The following PLD5 variants were observed in gnomAD, a reference collection of about 807,000 sequenced individuals.
The protein encoded by PLD5 is inactive phospholipase D5.
In PLD5, 36 loss-of-function variants were observed where a neutral mutation model predicts 61.1. The ratio of observed to expected loss-of-function variants is 0.59; its 90% CI spans 0.45 to 0.78. PLD5 has a LOEUF of 0.78. PLD5 is among the 30% of genes least tolerant of loss of function. The probability of loss-of-function intolerance (pLI) is 0.00; values close to 1 mark genes in which losing one functional copy is unlikely to be tolerated. For synonymous variants in PLD5, 243 were observed against 242.8 expected (o/e 1.00, Z -0.01); for missense variants, 515 against 644.4 (o/e 0.80, Z 2.17).
At chr1:242,429,417 TA>T (rs1205197318) in intron 1 of PLD5, among the ~76,000 whole-genome samples, 1 of 152,212 alleles carries the variant, frequency 6.6e-6, no homozygotes, top group Non-Finnish European at 1.5e-5. Context: ...TTTTAATTTT[TA>T]ATACTTTTTT....
rs1048278047 is a variant in PLD5 at position 242,445,061 on chromosome 1, C to T, written c.189+79027G>A. ...GCTGTGGTGTGAATATTTGTTTCTCCCACCTCCCAAACTCATTTGTTGAAC... is the reference window on the plus strand; with the variant it reads ...GCTGTGGTGTGAATATTTGTTTCTCTCACCTCCCAAACTCATTTGTTGAAC... On this transcript the variant is annotated intron_variant, in intron 1 of 9. Transcript: ENST00000536534. Among the ~76,000 whole-genome samples the T allele has an allele frequency of 3.6e-4, 54 of 152,072 alleles. 2 individuals are homozygous for T. Among genetic ancestry groups the T allele is most frequent in the Admixed American group, 3.5e-3 (53 of 15,254 alleles).
At chr1:242,341,485 A>G (rs1659828836) in intron 2 of PLD5, among the ~76,000 whole-genome samples, 1 of 150,384 alleles carries the variant, frequency 6.6e-6, no homozygotes, top group Non-Finnish European at 1.5e-5. Flanking sequence ...CAAATAAAGT[A>G]TGTGAAAAAT....
At chr1:242,180,180 G>A (rs1294856716) in intron 5 of PLD5, among the ~76,000 whole-genome samples, 1 of 152,096 alleles carries the variant, frequency 6.6e-6, no homozygotes, top group East Asian at 1.9e-4. Context: ...GGAAACTAGG[G>A]CACTCATTGT....
chr1:242,382,076 T>C (rs1259998907), intron 1 of PLD5, among the ~76,000 whole-genome samples: 5 of 145,060 alleles, frequency 3.4e-5, no homozygotes, highest in African/African-American at 1.3e-4. Context: ...GGAGAAACAG[T>C]GGGTGATTCC....
At chr1:242,389,410 T>C (rs781009120) in intron 1 of PLD5, among the ~76,000 whole-genome samples, 1 of 152,114 alleles carries the variant, frequency 6.6e-6, no homozygotes, top group Non-Finnish European at 1.5e-5. Flanking sequence ...AGTTGGGCCA[T>C]CAATGTAATA....
intron 2 of PLD5, among the ~76,000 whole-genome samples, chr1:242,319,034 G>A (rs1658209696): frequency 6.6e-6 from 1 of 152,056 alleles, no homozygotes; most frequent in African/African-American, 2.4e-5. Flanking sequence ...GAGCAGAATT[G>A]GGGCAGGAGG....
intron 2 of PLD5, among the ~76,000 whole-genome samples, chr1:242,334,785 A>G (rs1354212629): frequency 6.6e-6 from 1 of 152,162 alleles, no homozygotes. Context: ...CCTTTTTCCC[A>G]GGGGACTTTC....
intron 3 of PLD5, among the ~76,000 whole-genome samples, chr1:242,284,326 G>A (rs112705875): frequency 0.057 from 8,700 of 151,366 alleles, 288 homozygotes; most frequent in Middle Eastern, 0.13. Context: ...TAGTACAGAC[G>A]GGGTTTCACC....
intron 1 of PLD5, among the ~76,000 whole-genome samples, chr1:242,361,465 G>C (rs190173239): frequency 0.013 from 1,967 of 152,176 alleles, 25 homozygotes; most frequent in East Asian, 0.027. Flanking sequence ...TATAATTCCA[G>C]AAATCAATTC....
At chr1:242,139,585 C>G (rs1664007733) in intron 5 of PLD5, among the ~76,000 whole-genome samples, 1 of 152,084 alleles carries the variant, frequency 6.6e-6, no homozygotes, top group South Asian at 2.1e-4. Flanking sequence ...CAGAACAGGG[C>G]CACATCTGAC....
intron 2 of PLD5, among the ~76,000 whole-genome samples, chr1:242,297,879 TCCACCCGCCTC>T (rs1675799624): frequency 6.6e-6 from 1 of 151,926 alleles, no homozygotes; most frequent in Non-Finnish European, 1.5e-5. Flanking sequence ...GACCTCATGA[TCCACCCGCCTC>T]GGCCTCCCAA....
chr1:242,410,844 G>A (rs1288708918), intron 1 of PLD5, among the ~76,000 whole-genome samples: 1 of 151,990 alleles, frequency 6.6e-6, no homozygotes, highest in African/African-American at 2.4e-5. Flanking sequence ...CTGCAGTGTA[G>A]GTCTTAGGTG....
At position 242,451,034 on chromosome 1, in the gene PLD5, T is replaced by G. The variant is rs556338842; in HGVS notation, c.189+73054A>C. 1.4e-4 allele frequency among the ~76,000 whole-genome samples: 22 copies of G among 152,310 alleles called. No individual in the cohort carries two copies. In the South Asian group the frequency reaches 2.3e-3, roughly 16 times the overall value. Reference sequence around the variant, plus strand: ...CCTGAGGTCCTTTCTCTAGAAACACTCAGCCACATCGTTTTGACTCTACCT... The same window carrying G: ...CCTGAGGTCCTTTCTCTAGAAACACGCAGCCACATCGTTTTGACTCTACCT... On this transcript the variant is annotated intron_variant, in intron 1 of 9. Transcript: ENST00000536534.
rs565850356 is a variant in PLD5, at chr1:242,194,602, C to G, written c.735+25386G>C. On this transcript the variant is annotated intron_variant, in intron 5 of 9. Transcript: ENST00000536534. ...TCTATCTATCTATCTATCTATCTATCTATGTATCTATCTATGTATCTATCT... is the reference window on the plus strand; with the variant it reads ...TCTATCTATCTATCTATCTATCTATGTATGTATCTATCTATGTATCTATCT... 2.5e-3 allele frequency among the ~76,000 whole-genome samples: 199 copies of G among 78,818 alleles called. 1 individual carries two copies. The highest frequency in any genetic ancestry group is 0.015 in the Middle Eastern group (2 of 136). The allele number at this position is 78,818 out of a possible 152,430, so 51.7% of individuals were successfully genotyped here.
intron 1 of PLD5, among the ~76,000 whole-genome samples, chr1:242,410,025 T>C (rs1309524207): frequency 1.3e-5 from 2 of 152,126 alleles, no homozygotes; most frequent in Non-Finnish European, 2.9e-5. Flanking sequence ...CAAGGACCCC[T>C]TTTCCCCTCT....
chr1:242,335,789 G>T, intron 2 of PLD5, among the ~76,000 whole-genome samples: 1 of 152,138 alleles, frequency 6.6e-6, no homozygotes, highest in African/African-American at 2.4e-5. Flanking sequence ...AATGTTCTAT[G>T]AAGGTAAAAC....
At chr1:242,348,781 G>A (rs181351332) in intron 1 of PLD5, among the ~76,000 whole-genome samples, 127 of 152,256 alleles carry the variant, frequency 8.3e-4, no homozygotes, top group Non-Finnish European at 2.2e-4. Context: ...TAGGCCGGGC[G>A]CGGTGGCTCA....
chr1:242,261,153 G>T (rs1673352179), intron 4 of PLD5, among the ~76,000 whole-genome samples: 1 of 152,182 alleles, frequency 6.6e-6, no homozygotes, highest in South Asian at 2.1e-4. Context: ...AAGGTAAACA[G>T]TATGGCATTG....
At chr1:242,121,153 C>T (rs906548353) in intron 6 of PLD5, among the ~76,000 whole-genome samples, 88 of 152,134 alleles carry the variant, frequency 5.8e-4, no homozygotes, top group Non-Finnish European at 1.9e-4. Flanking sequence ...AAACTGTATG[C>T]ATTCTGGAGC....
Sources: gnomAD v4.1 joint callset for allele counts (sites outside exome capture counted in the v4.1 genomes callset) on GRCh38, gnomAD v4.1.1 for gene constraint, MANE v1.5 for transcripts, NCBI Gene and HGNC (gene_info 2026-07-23, HGNC 2026-07-21) for gene names.